VSIR: variants seen among roughly 807,000 people sequenced by gnomAD.
VSIR encodes the protein V-set immunoregulatory receptor.
Under a neutral mutation model 31.0 loss-of-function variants are expected in VSIR, and 10 were observed. The observed-to-expected ratio is 0.32, with a 90% CI of 0.20 to 0.55. The LOEUF is 0.55. Among genes scored for constraint, VSIR ranks in the 20% least tolerant of loss-of-function variants. The probability of loss-of-function intolerance (pLI) is 0.93; values close to 1 mark genes in which losing one functional copy is unlikely to be tolerated. For synonymous variants in VSIR, 179 were observed against 180.1 expected (o/e 0.99, Z 0.05); for missense variants, 356 against 416.2 (o/e 0.86, Z 1.26).
At chr10:71,759,421 C>G (rs1299216036) in intron 3 of VSIR, among the ~76,000 whole-genome samples, 1 of 151,948 alleles carries the variant, frequency 6.6e-6, no homozygotes, top group African/African-American at 2.4e-5. Flanking sequence ...GCAGGAAGAT[C>G]ACTTGCATCT....
chr10:71,752,923 C>G, intron 5 of VSIR, 52 bp downstream of exon 5: 2 of 1,599,974 alleles, frequency 1.3e-6, no homozygotes, highest in Non-Finnish European at 1.7e-6. Flanking sequence ...AGTATCTCTT[C>G]CTGGATAGCC....
chr10:71,754,172 C>G (rs74756563), intron 4 of VSIR, among the ~76,000 whole-genome samples: 1 of 152,126 alleles, frequency 6.6e-6, no homozygotes, highest in African/African-American at 2.4e-5. Context: ...CAGCGTTGCT[C>G]TTCTGTTCCA....
chr10:71,757,419 G>A (rs1840177172), intron 3 of VSIR, among the ~76,000 whole-genome samples: 1 of 152,224 alleles, frequency 6.6e-6, no homozygotes, highest in Non-Finnish European at 1.5e-5. Flanking sequence ...GGGGCAGAGG[G>A]GCGCAGAGGT....
intron 3 of VSIR, among the ~76,000 whole-genome samples, chr10:71,757,241 T>C (rs982790226): frequency 2.0e-5 from 3 of 152,238 alleles, no homozygotes; most frequent in African/African-American, 7.2e-5. Flanking sequence ...CAGGTGCTCA[T>C]TGATACCTGT....
At chr10:71,753,885 G>C (rs368795975) in intron 4 of VSIR, 9 of 456,282 alleles carry the variant, frequency 2.0e-5, no homozygotes, top group African/African-American at 6.0e-5. Flanking sequence ...GTCAGGCTTC[G>C]TGCAGGTGCA....
rs561112253 is a variant in VSIR, at chr10:71,747,852, A to G, written c.*3401T>C. On this transcript the variant is annotated 3_prime_UTR_variant, in exon 7 of 7. Transcript: ENST00000394957. The stretch of plus-strand genomic sequence containing the variant: ...TATTGATCATTCAGAATCCCTCTCA[A>G]CACATTCCAGGATAGTTAGGGTGAC... The G allele has an allele frequency of 1.3e-5, 2 of 152,364 alleles. No homozygotes were observed. The highest frequency in any genetic ancestry group is 4.1e-4 in the South Asian group (2 of 4,830). 9.4% of individuals were successfully genotyped at this position (152,364 alleles called of 1,614,324 possible).
chr10:71,756,559 G>T (rs1840152957), intron 3 of VSIR, among the ~76,000 whole-genome samples: 1 of 152,138 alleles, frequency 6.6e-6, no homozygotes, highest in Non-Finnish European at 1.5e-5. Context: ...TTTCTTTTAG[G>T]CTATTGCTAA....
chr10:71,759,889 A>ATG (rs1491432518), intron 3 of VSIR, among the ~76,000 whole-genome samples: 1 of 37,462 alleles, frequency 2.7e-5, no homozygotes, highest in Admixed American at 3.1e-4. Flanking sequence ...ACACACATAT[A>ATG]CACACACACA....
rs1589396168 is a variant in VSIR at position 71,751,391 on chromosome 10, C to T, written c.899-101G>A. 2 of 559,324 alleles carry T rather than the reference C, an allele frequency of 3.6e-6. No individual in the cohort carries two copies. The highest frequency in any genetic ancestry group is 3.4e-5 in the Admixed American group (1 of 29,050). 34.6% of individuals were successfully genotyped at this position (559,324 alleles called of 1,614,324 possible). ...AACTCTTCAGGGAGGTGAATGGGGG[C>T]CCCTCTGTCCCTCACCCTCAACCCC... On this transcript the variant is annotated intron_variant, in intron 6 of 6. Coordinates refer to ENST00000394957, the MANE Select transcript of VSIR (RefSeq NM_022153.2). This position sits in a 1 kb window ranked among gnomAD's most constrained non-coding sequence, Gnocchi z 4.9.
At chr10:71,757,307 C>T (rs142567027) in intron 3 of VSIR, among the ~76,000 whole-genome samples, 9 of 152,344 alleles carry the variant, frequency 5.9e-5, no homozygotes, top group Admixed American at 5.9e-4. Context: ...TAACTTCTAT[C>T]CCCAGGTAGA....
chr10:71,762,404 T>C (rs533500139), intron 1 of VSIR, among the ~76,000 whole-genome samples: 1 of 152,362 alleles, frequency 6.6e-6, no homozygotes, highest in South Asian at 2.1e-4. Context: ...TTGGCCGCTC[T>C]GTAGGGGCCA....
chr10:71,764,627 T>C (rs1840483685), intron 1 of VSIR, among the ~76,000 whole-genome samples: 2 of 152,192 alleles, frequency 1.3e-5, no homozygotes, highest in South Asian at 4.1e-4. Context: ...GTAGCAGCTT[T>C]TGGGGGGCAC....
intron 3 of VSIR, among the ~76,000 whole-genome samples, chr10:71,758,288 G>A (rs1037148392): frequency 5.9e-5 from 9 of 152,276 alleles, no homozygotes; most frequent in Non-Finnish European, 7.4e-5. Context: ...TCCCCATTCC[G>A]GCTTAGGTCC....
At chr10:71,756,560 C>T (rs994731761) in intron 3 of VSIR, among the ~76,000 whole-genome samples, 1 of 152,168 alleles carries the variant, frequency 6.6e-6, no homozygotes, top group African/African-American at 2.4e-5. Context: ...TTCTTTTAGG[C>T]TATTGCTAAA....
intron 3 of VSIR, among the ~76,000 whole-genome samples, chr10:71,759,938 C>CACACACATATATAT (rs1840277181): frequency 9.2e-6 from 1 of 108,324 alleles, no homozygotes; most frequent in Admixed American, 9.5e-5. Context: ...CACATATATA[C>CACACACATATATAT]ACACACACAT....
chr10:71,766,655 C>G (rs1182405044), intron 1 of VSIR, among the ~76,000 whole-genome samples: 1 of 152,188 alleles, frequency 6.6e-6, no homozygotes, highest in African/African-American at 2.4e-5. Context: ...TGCTGAGCAT[C>G]TTATACCTGT....
intron 1 of VSIR, among the ~76,000 whole-genome samples, chr10:71,765,703 C>A (rs1840523762): frequency 6.6e-6 from 1 of 152,098 alleles, no homozygotes; most frequent in Non-Finnish European, 1.5e-5. Context: ...GGGGGCATTG[C>A]TCAATCCCCC....
intron 1 of VSIR, among the ~76,000 whole-genome samples, chr10:71,769,826 C>T (rs1378374824): frequency 6.6e-6 from 1 of 152,238 alleles, no homozygotes; most frequent in Non-Finnish European, 1.5e-5. Context: ...ATGGTGGCCA[C>T]TGTCTTTGTC....
At chr10:71,770,351 A>G (rs1840658536) in intron 1 of VSIR, among the ~76,000 whole-genome samples, 2 of 152,266 alleles carry the variant, frequency 1.3e-5, no homozygotes, top group African/African-American at 4.8e-5. Flanking sequence ...TAACTTGTCC[A>G]ATATCACAGA....
Sources: gnomAD v4.1 joint callset for allele counts (sites outside exome capture counted in the v4.1 genomes callset) on GRCh38, gnomAD v4.1.1 for gene constraint, Gnocchi (gnomAD v3.1) non-coding constraint, MANE v1.5 for transcripts, NCBI Gene and HGNC (gene_info 2026-07-23, HGNC 2026-07-21) for gene names.